Variants in TNRC6B observed in about 807,000 individuals in gnomAD.
TNRC6B encodes the protein trinucleotide repeat containing adaptor 6B.
TNRC6B carries 52 observed loss-of-function variants against 203.6 expected under a neutral mutation model. The observed-to-expected ratio is 0.26, with a 90% confidence interval of 0.20 to 0.32. TNRC6B has a LOEUF of 0.32. Ranked by LOEUF, TNRC6B falls within the 10% of genes least tolerant of loss-of-function variation. TNRC6B has a pLI of 1.00. For synonymous variants in TNRC6B, 838 were observed against 845.7 expected, an observed-to-expected ratio of 0.99 and a Z score of 0.16; for missense variants, 1,923 against 2,286.2, an observed-to-expected ratio of 0.84 and a Z score of 3.24.
intron 3 of TNRC6B, among the ~76,000 whole-genome samples, chr22:40,140,388 G>A (rs1294507488): frequency 6.6e-6 from 1 of 152,218 alleles, no homozygotes; most frequent in African/African-American, 2.4e-5. Flanking sequence ...TCCTAAGTAA[G>A]TGACAGGTTC....
chr22:40,102,133 C>G (rs1399707649), intron 1 of TNRC6B, among the ~76,000 whole-genome samples: 1 of 152,162 alleles, frequency 6.6e-6, no homozygotes, highest in Non-Finnish European at 1.5e-5. Context: ...TCGTGTTTAT[C>G]ATATGAATAT....
intron 1 of TNRC6B, among the ~76,000 whole-genome samples, chr22:40,231,280 A>G (rs1414344233): frequency 6.6e-6 from 1 of 152,202 alleles, no homozygotes; most frequent in Non-Finnish European, 1.5e-5. Flanking sequence ...CAATTTCTAC[A>G]AAAAAATTCT....
chr22:40,203,301 A>T (rs2069437673), intron 1 of TNRC6B, among the ~76,000 whole-genome samples: 1 of 152,014 alleles, frequency 6.6e-6, no homozygotes, highest in Non-Finnish European at 1.5e-5. Context: ...CCCTTAATGG[A>T]TTCCCACCAG....
intron 1 of TNRC6B, among the ~76,000 whole-genome samples, chr22:40,089,200 A>C (rs1319320568): frequency 6.6e-6 from 1 of 152,168 alleles, no homozygotes; most frequent in African/African-American, 2.4e-5. Flanking sequence ...AAGAGGTTAA[A>C]TAAAACCCTG....
intron 12 of TNRC6B, among the ~76,000 whole-genome samples, chr22:40,289,947 C>A (rs1382125651): frequency 6.6e-6 from 1 of 152,254 alleles, no homozygotes; most frequent in Non-Finnish European, 1.5e-5. Flanking sequence ...GAGCTCGTGA[C>A]CATGTTCATT....
intron 2 of TNRC6B, among the ~76,000 whole-genome samples, chr22:40,117,905 C>T (rs1418219906): frequency 3.3e-5 from 5 of 152,008 alleles, no homozygotes; most frequent in African/African-American, 1.2e-4. Flanking sequence ...TATATAAACC[C>T]TTTGAGACTG....
chr22:40,173,607 A>G (rs1028285332), upstream of TNRC6B, among the ~76,000 whole-genome samples: 4 of 147,968 alleles, frequency 2.7e-5, no homozygotes, highest in Non-Finnish European at 6.0e-5. Context: ...TAGAGGCGAG[A>G]TCTCACTATG....
intron 1 of TNRC6B, among the ~76,000 whole-genome samples, chr22:40,194,011 G>C (rs2069306102): frequency 6.6e-6 from 1 of 152,208 alleles, no homozygotes; most frequent in Non-Finnish European, 1.5e-5. Context: ...GTTAGTTGGG[G>C]TTGGGGTTTG....
At chr22:40,285,871 T>C (rs1186987065) in intron 12 of TNRC6B, 101 bp downstream of exon 12, 1 of 1,413,658 alleles carries the variant, frequency 7.1e-7, no homozygotes, top group Non-Finnish European at 9.5e-7. Context: ...TGATAGTAAG[T>C]AGCATAAAAT....
At chr22:40,262,219 G>T in intron 4 of TNRC6B, 46 bp downstream of exon 4, 1 of 1,332,462 alleles carries the variant, frequency 7.5e-7, no homozygotes, top group South Asian at 2.3e-5. Context: ...GACAGAGAGA[G>T]AGCACTTTGT....
chr22:40,091,322 A>G (rs6001754), intron 1 of TNRC6B, among the ~76,000 whole-genome samples: 3,885 of 152,216 alleles, frequency 0.026, 171 homozygotes, highest in African/African-American at 0.088. Flanking sequence ...TCCCTTTCCT[A>G]TACAAACAGA....
intron 1 of TNRC6B, among the ~76,000 whole-genome samples, chr22:40,115,556 C>G (rs1056003757): frequency 3.9e-5 from 6 of 152,182 alleles, no homozygotes; most frequent in Non-Finnish European, 8.8e-5. Flanking sequence ...TTATTGGACT[C>G]TACCCAATAC....
rs189697463 is a variant in TNRC6B, at chr22:40,262,762, G to C, written c.457+589G>C. Among the ~76,000 whole-genome samples the C allele has an allele frequency of 2.7e-3, 416 of 152,172 alleles. 1 individual carries two copies. Among genetic ancestry groups the C allele is most frequent in the African/African-American group, 9.5e-3 (393 of 41,508 alleles). On this transcript the variant is annotated intron_variant, in intron 4 of 22. Transcript: ENST00000454349. ...CTAGAAGTTTTGAGAGTTTTTGGCC[G>C]GGCACGGTGGCTCACGCCTGTAATC...
chr22:40,154,860 A>AATATAT (rs71199273), intron 3 of TNRC6B, among the ~76,000 whole-genome samples: 532 of 23,492 alleles, frequency 0.023, 25 homozygotes, highest in Non-Finnish European at 0.028. Flanking sequence ...AAAAAAAAAA[A>AATATAT]ATATATATAT....
chr22:40,286,561 TGAG>T (rs2070785517), intron 12 of TNRC6B, among the ~76,000 whole-genome samples: 1 of 152,110 alleles, frequency 6.6e-6, no homozygotes, highest in Non-Finnish European at 1.5e-5. Context: ...CTGAAAATGT[TGAG>T]GAGCTGTATG....
chr22:40,147,799 A>G (rs2068708614), intron 3 of TNRC6B, among the ~76,000 whole-genome samples: 1 of 152,218 alleles, frequency 6.6e-6, no homozygotes, highest in African/African-American at 2.4e-5. Flanking sequence ...CTCCAATTAT[A>G]TATGAGAAGT....
intron 3 of TNRC6B, among the ~76,000 whole-genome samples, chr22:40,259,076 A>G (rs970608643): frequency 1.3e-5 from 2 of 152,286 alleles, no homozygotes; most frequent in Admixed American, 6.5e-5. Context: ...TATTCTCATA[A>G]TAAGATAAAA....
chr22:40,061,952 T>C (rs1467673475), intron 1 of TNRC6B, among the ~76,000 whole-genome samples: 5 of 151,962 alleles, frequency 3.3e-5, no homozygotes, highest in Admixed American at 6.6e-5. Context: ...TGGGCGCCTG[T>C]AATCCAAGCT....
intron 3 of TNRC6B, among the ~76,000 whole-genome samples, chr22:40,133,970 C>CAAAAAAAAAAAAAAAAAAA: frequency 2.2e-5 from 1 of 45,952 alleles, no homozygotes; most frequent in Non-Finnish European, 3.8e-5. Flanking sequence ...AGCTCCGTCT[C>CAAAAAAAAAAAAAAAAAAA]AAAAAAAAAA....
Sources: allele counts gnomAD v4.1 joint callset (sites outside exome capture counted in the v4.1 genomes callset), GRCh38; gene constraint gnomAD v4.1.1; transcripts MANE v1.5; gene names NCBI Gene and HGNC (gene_info 2026-07-23, HGNC 2026-07-21).